The following CACNG3 variants were observed in gnomAD, a reference collection of about 807,000 sequenced individuals.
CACNG3 encodes voltage-dependent calcium channel gamma-3 subunit.
Under a neutral mutation model 28.5 loss-of-function variants are expected in CACNG3, and 3 were observed. The observed-to-expected ratio is 0.11, with a 90% CI of 0.05 to 0.27. CACNG3 has a LOEUF of 0.27. CACNG3 is among the 10% of genes least tolerant of loss of function. CACNG3 has a pLI of 1.00. For synonymous variants in CACNG3, 174 were observed against 162.2 expected, an observed-to-expected ratio of 1.07 and a Z score of -0.55; for missense variants, 236 against 414.4, an observed-to-expected ratio of 0.57 and a Z score of 3.74.
chr16:24,297,209 C>T (rs186163737), intron 1 of CACNG3, among the ~76,000 whole-genome samples: 141 of 149,468 alleles, frequency 9.4e-4, no homozygotes, highest in Middle Eastern at 3.4e-3. Context: ...GATTGCACCA[C>T]GGCACTCTAG....
intron 1 of CACNG3, among the ~76,000 whole-genome samples, chr16:24,319,739 C>A (rs900595468): frequency 6.6e-6 from 1 of 151,894 alleles, no homozygotes; most frequent in Non-Finnish European, 1.5e-5. Context: ...CAGGCATGAA[C>A]CACCATGCCC....
At chr16:24,281,745 C>A (rs1359535284) in intron 1 of CACNG3, among the ~76,000 whole-genome samples, 1 of 152,190 alleles carries the variant, frequency 6.6e-6, no homozygotes, top group Non-Finnish European at 1.5e-5. Flanking sequence ...CCATTATTGA[C>A]CAGTTGCTAC....
At chr16:24,292,533 C>T (rs1259208877) in intron 1 of CACNG3, among the ~76,000 whole-genome samples, 1 of 152,090 alleles carries the variant, frequency 6.6e-6, no homozygotes, top group Admixed American at 6.6e-5. Flanking sequence ...CCCTGGAGCT[C>T]GAATTCCTTC....
intron 1 of CACNG3, among the ~76,000 whole-genome samples, chr16:24,330,796 G>A (rs1023372576): frequency 7.2e-5 from 11 of 152,178 alleles, no homozygotes; most frequent in African/African-American, 2.4e-4. Flanking sequence ...AACAGGATGA[G>A]TTCTTCATGC....
At chr16:24,281,283 C>A (rs1337847933) in intron 1 of CACNG3, among the ~76,000 whole-genome samples, 2 of 152,140 alleles carry the variant, frequency 1.3e-5, no homozygotes, top group Non-Finnish European at 2.9e-5. Flanking sequence ...GTAATCTCGA[C>A]CTCCTGAGCT....
intron 1 of CACNG3, among the ~76,000 whole-genome samples, 192 bp downstream of exon 1, chr16:24,257,157 G>T (rs1003547119): frequency 4.7e-4 from 72 of 152,082 alleles, no homozygotes; most frequent in Middle Eastern, 6.3e-3. Flanking sequence ...CTTGTTGATT[G>T]TTTTTAGTAT....
chr16:24,324,603 T>G (rs117728290), intron 1 of CACNG3, among the ~76,000 whole-genome samples: 1 of 152,206 alleles, frequency 6.6e-6, no homozygotes. Context: ...TCTGGCAGCC[T>G]GAGGGACCAT....
chr16:24,304,768 C>T (rs183689378), intron 1 of CACNG3, among the ~76,000 whole-genome samples: 81 of 152,196 alleles, frequency 5.3e-4, no homozygotes, highest in African/African-American at 1.8e-3. Context: ...CACCATGTTG[C>T]CCAGGCTGGT....
At position 24,313,943 on chromosome 16, in the gene CACNG3, C is replaced by T. The variant is rs538186289; in HGVS notation, c.212-32791C>T. Among the ~76,000 whole-genome samples, 5 of 151,900 alleles carry T rather than the reference C, an allele frequency of 3.3e-5. No homozygotes were observed. The South Asian group carries it at 1.0e-3, about 32-fold the overall frequency. The stretch of plus-strand genomic sequence containing the variant: ...TATTTTTAGTAGAGACAGGATATCG[C>T]CATGTTGGCCAGGCTGGTCTTGAAC... On this transcript the variant is annotated intron_variant, in intron 1 of 3. Coordinates refer to ENST00000005284, the MANE Select transcript of CACNG3 (RefSeq NM_006539.4).
chr16:24,338,120 T>G lies in CACNG3; in HGVS notation c.212-8614T>G, dbSNP rs542144718. Among the ~76,000 whole-genome samples, 961 of 152,172 alleles carry G rather than the reference T, an allele frequency of 6.3e-3. 9 individuals carry two copies. The highest frequency in any genetic ancestry group is 9.6e-3 in the Non-Finnish European group (654 of 68,002). ...CTAGCCTCTCTTCTGTTCCTCAAAC[T>G]CACCAAGTTCACTCTCGCCCCAGGG... On this transcript the variant is annotated intron_variant, in intron 1 of 3. Coordinates refer to ENST00000005284, the MANE Select transcript of CACNG3 (RefSeq NM_006539.4).
chr16:24,257,366 GGGGAGAGAGAGA>G (rs1898473648), intron 1 of CACNG3, among the ~76,000 whole-genome samples: 2 of 106,490 alleles, frequency 1.9e-5, no homozygotes, highest in Admixed American at 9.9e-5. Flanking sequence ...AGAAGTGAGG[GGGGAGAGAGAGA>G]GAGAGAGAGA....
chr16:24,319,458 T>C lies in CACNG3; in HGVS notation c.212-27276T>C, dbSNP rs186737912. ...GGTTGCAATGGTCTTTGTGCAAAGT[T>C]ATGGTTTTTGCAAGAGAAGAGGTCT... On this transcript the variant is annotated intron_variant, in intron 1 of 3. Coordinates refer to ENST00000005284, the MANE Select transcript of CACNG3 (RefSeq NM_006539.4). Among the ~76,000 whole-genome samples, 63 of 152,254 alleles carry C rather than the reference T, an allele frequency of 4.1e-4. No homozygotes were observed. The East Asian group carries it at 0.011, about 27-fold the overall frequency.
At chr16:24,343,728 G>C (rs1432081711) in intron 1 of CACNG3, among the ~76,000 whole-genome samples, 1 of 152,166 alleles carries the variant, frequency 6.6e-6, no homozygotes, top group Non-Finnish European at 1.5e-5. Context: ...CTGTGTCCTT[G>C]AGTAAATCGG....
intron 1 of CACNG3, among the ~76,000 whole-genome samples, chr16:24,257,695 C>A (rs868569759): frequency 2.0e-5 from 3 of 152,198 alleles, no homozygotes; most frequent in South Asian, 2.1e-4. Flanking sequence ...ATTCCTAAAT[C>A]ATTCCCAAAC....
rs982462546 is a variant in CACNG3, at chr16:24,291,427, T to G, written c.211+34462T>G. On this transcript the variant is annotated intron_variant, in intron 1 of 3. Coordinates refer to ENST00000005284, the MANE Select transcript of CACNG3 (RefSeq NM_006539.4). The stretch of plus-strand genomic sequence containing the variant: ...CAACAAACTTTCAAGTGCAGCGATT[T>G]TATCCTGCCAGTTGAGTATGAACCA... 7.2e-5 allele frequency among the ~76,000 whole-genome samples: 11 copies of G among 152,292 alleles called. 1 individual carries two copies. The highest frequency in any genetic ancestry group is 3.9e-4 in the Admixed American group (6 of 15,296).
chr16:24,342,916 G>A (rs141191910), intron 1 of CACNG3, among the ~76,000 whole-genome samples: 237 of 152,120 alleles, frequency 1.6e-3, no homozygotes, highest in African/African-American at 5.4e-3. Flanking sequence ...CAGGCCAGGC[G>A]CAGTGGCTCA....
chr16:24,357,732 T>C (rs1317493456), intron 3 of CACNG3, among the ~76,000 whole-genome samples: 1 of 152,246 alleles, frequency 6.6e-6, no homozygotes, highest in Non-Finnish European at 1.5e-5. Flanking sequence ...GGCACGCTCC[T>C]GTCACTGGTG....
chr16:24,295,005 C>T (rs962924831), intron 1 of CACNG3, among the ~76,000 whole-genome samples: 1 of 152,186 alleles, frequency 6.6e-6, no homozygotes, highest in Non-Finnish European at 1.5e-5. Flanking sequence ...ATGGTAACTG[C>T]CCTCACATGC....
intron 1 of CACNG3, among the ~76,000 whole-genome samples, chr16:24,265,266 C>T (rs548697278): frequency 1.7e-4 from 17 of 102,598 alleles, no homozygotes; most frequent in East Asian, 1.2e-3. Flanking sequence ...AGAAAAGAAG[C>T]GAGAGAAGGA....
Sources: gnomAD v4.1 joint callset for allele counts (sites outside exome capture counted in the v4.1 genomes callset) on GRCh38, gnomAD v4.1.1 for gene constraint, MANE v1.5 for transcripts, NCBI Gene and HGNC (gene_info 2026-07-23, HGNC 2026-07-21) for gene names.